Variants in FASTKD1 observed in about 807,000 individuals in gnomAD.
FASTKD1 encodes FAST kinase domain-containing protein 1, mitochondrial.
In FASTKD1, 94 loss-of-function variants were observed where a neutral mutation model predicts 90.9. The observed-to-expected ratio is 1.03, with a 90% CI of 0.88 to 1.23. The LOEUF (loss-of-function observed/expected upper bound fraction) is 1.23, where lower values mean the gene tolerates loss of function less well. Ranked by LOEUF, FASTKD1 falls within the 50% of genes most tolerant of loss-of-function variation. The probability of loss-of-function intolerance (pLI) is 0.00; values close to 1 mark genes in which losing one functional copy is unlikely to be tolerated. For missense variants in FASTKD1, 945 were observed against 993.5 expected, an observed-to-expected ratio of 0.95 and a Z score of 0.66; for synonymous variants, 319 against 345.8, an observed-to-expected ratio of 0.92 and a Z score of 0.86.
chr2:169,561,740 T>TATTTATTATAAATTATTTATTA (rs1553538833), intron 4 of FASTKD1, among the ~76,000 whole-genome samples: 2 of 69,210 alleles, frequency 2.9e-5, no homozygotes, highest in East Asian at 5.2e-4. Context: ...ATAAATTAAT[T>TATTTATTATAAATTATTTATTA]ATTCATTATA....
chr2:169,565,038 T>G (rs1223417813), intron 3 of FASTKD1, among the ~76,000 whole-genome samples: 1 of 143,310 alleles, frequency 7.0e-6, no homozygotes, highest in Non-Finnish European at 1.5e-5. Context: ...CACTGCAACC[T>G]CCGCCTCCCA....
At chr2:169,547,682 A>G (rs1032854109) in intron 7 of FASTKD1, among the ~76,000 whole-genome samples, 31 of 152,090 alleles carry the variant, frequency 2.0e-4, no homozygotes, top group African/African-American at 7.2e-4. Context: ...GTTCGAGACC[A>G]GTCTGGCCAA....
chr2:169,569,648 C>T (rs547565255), intron 2 of FASTKD1, among the ~76,000 whole-genome samples: 108 of 152,120 alleles, frequency 7.1e-4, no homozygotes, highest in African/African-American at 2.6e-3. Context: ...GTCAGGAGTT[C>T]GAGACCAGCC....
chr2:169,570,725 G>C (rs921490628), intron 2 of FASTKD1, among the ~76,000 whole-genome samples: 2 of 149,206 alleles, frequency 1.3e-5, no homozygotes, highest in Admixed American at 1.3e-4. Flanking sequence ...GCCCAGAATG[G>C]AGTAGAGTAG....
At chr2:169,563,105 A>G (rs551781446) in intron 4 of FASTKD1, 120 bp downstream of exon 4, 10 of 929,472 alleles carry the variant, frequency 1.1e-5, no homozygotes, top group African/African-American at 1.0e-4. Flanking sequence ...GAGGATAACG[A>G]ACTTCCAAGA....
intron 12 of FASTKD1, among the ~76,000 whole-genome samples, chr2:169,533,979 T>C (rs73037963): frequency 0.016 from 2,360 of 152,034 alleles, 61 homozygotes; most frequent in African/African-American, 0.053. Context: ...AAGACCAGCC[T>C]GTGCAACATG....
In FASTKD1 at chr2:169,555,268, G is replaced by C. The variant is rs199891036; in HGVS notation, c.1083-13C>G. The C allele has an allele frequency of 1.6e-5, 25 of 1,597,834 alleles. No homozygotes were observed. In the African/African-American group the frequency reaches 2.0e-4, roughly 13 times the overall value. On this transcript the variant is annotated splice_polypyrimidine_tract_variant and intron_variant, in intron 6 of 14. Transcript: ENST00000453153. ...AACTGAAGTAACTCTAAAAAGGATA[G>C]AGCATATATTATAACCAGTTCATTC...
At chr2:169,543,346 C>A (rs4667604) in intron 9 of FASTKD1, among the ~76,000 whole-genome samples, 50,320 of 151,768 alleles carry the variant, frequency 0.33, 9,575 homozygotes, top group East Asian at 0.48. Flanking sequence ...GCCTGTAATC[C>A]CAGCTACTCG....
At chr2:169,561,836 GTAAA>G (rs1683652812) in intron 4 of FASTKD1, among the ~76,000 whole-genome samples, 2 of 114,474 alleles carry the variant, frequency 1.7e-5, no homozygotes, top group African/African-American at 5.5e-5. Context: ...TTAATTTATT[GTAAA>G]TTATTTATTA....
At chr2:169,540,214 C>T in intron 9 of FASTKD1, 35 bp from the exon 10 acceptor site, 1 of 1,496,134 alleles carries the variant, frequency 6.7e-7, no homozygotes. Context: ...AAAGGTATAG[C>T]TGCCTCACTT....
At chr2:169,553,528 T>C (rs1685593048) in intron 7 of FASTKD1, among the ~76,000 whole-genome samples, 1 of 152,216 alleles carries the variant, frequency 6.6e-6, no homozygotes, top group Non-Finnish European at 1.5e-5. Context: ...TGTTATTTCA[T>C]ATTACTCAGT....
chr2:169,542,412 G>C (rs780809707), intron 9 of FASTKD1, among the ~76,000 whole-genome samples: 1 of 152,158 alleles, frequency 6.6e-6, no homozygotes. Flanking sequence ...AGGTCAAACT[G>C]TTCCAAACAC....
Position 169,562,074 on chromosome 2 carries a change from T to TTATTTATTAATTTATTGTA in FASTKD1, c.572+1150_572+1151insTACAATAAATTAATAAATA, listed in dbSNP as rs1683711077. Among the ~76,000 whole-genome samples, 3 of 124,722 alleles carry TTATTTATTAATTTATTGTA rather than the reference T, an allele frequency of 2.4e-5. 1 individual carries two copies. The highest frequency in any genetic ancestry group is 5.1e-5 in the Non-Finnish European group (3 of 59,228). The allele number at this position is 124,722 out of a possible 152,430, so 81.8% of individuals were successfully genotyped here. ...AATTATTTATTAATTTATTGTAAAA[T>TTATTTATTAATTTATTGTA]AATTATTTATTAATTTATTGTAAAA... On this transcript the variant is annotated intron_variant, in intron 4 of 14. Coordinates refer to ENST00000453153, the MANE Select transcript of FASTKD1 (RefSeq NM_024622.6).
chr2:169,555,289 C>T (rs768701438), intron 6 of FASTKD1, 34 bp from the exon 7 acceptor site: 1 of 1,564,556 alleles, frequency 6.4e-7, no homozygotes, highest in South Asian at 1.2e-5. Context: ...ATAACCAGTT[C>T]ATTCATTTAT....
At chr2:169,573,165 A>T (rs1412444387) in intron 1 of FASTKD1, 3 of 151,898 alleles carry the variant, frequency 2.0e-5, no homozygotes, top group Non-Finnish European at 4.4e-5. Flanking sequence ...CATGTCTCAG[A>T]CCCCTCTCTA....
At chr2:169,568,650 AAAAAAAG>A in intron 3 of FASTKD1, among the ~76,000 whole-genome samples, 1 of 148,244 alleles carries the variant, frequency 6.7e-6, no homozygotes, top group Non-Finnish European at 1.5e-5. Flanking sequence ...AAAAAAAAAA[AAAAAAAG>A]AGAGACAGAA....
At chr2:169,535,704 A>G (rs1300003829) in intron 12 of FASTKD1, among the ~76,000 whole-genome samples, 1 of 152,168 alleles carries the variant, frequency 6.6e-6, no homozygotes, top group Non-Finnish European at 1.5e-5. Context: ...GAGAGCATTA[A>G]TGATTATCTA....
chr2:169,568,625 C>A (rs1684095161), intron 3 of FASTKD1, among the ~76,000 whole-genome samples: 2 of 58,694 alleles, frequency 3.4e-5, no homozygotes, highest in African/African-American at 7.2e-5. Flanking sequence ...AGACCCTGTC[C>A]ATTAAAAAAA....
intron 8 of FASTKD1, among the ~76,000 whole-genome samples, chr2:169,545,966 C>T (rs1685172609): frequency 6.6e-6 from 1 of 152,134 alleles, no homozygotes; most frequent in Admixed American, 6.6e-5. Flanking sequence ...CAGGGTCTCA[C>T]TCTGTCACAC....
Sources: gnomAD v4.1 joint callset for allele counts (sites outside exome capture counted in the v4.1 genomes callset) on GRCh38, gnomAD v4.1.1 for gene constraint, MANE v1.5 for transcripts, NCBI Gene and HGNC (gene_info 2026-07-23, HGNC 2026-07-21) for gene names.